SLC25A42: variants seen among roughly 807,000 people sequenced by gnomAD.
SLC25A42 encodes solute carrier family 25 member 42, also known as mitochondrial coenzyme A transporter SLC25A42.
Under a neutral mutation model 34.7 loss-of-function variants are expected in SLC25A42, and 19 were observed. The ratio of observed to expected loss-of-function variants is 0.55; its 90% confidence interval spans 0.38 to 0.80. The LOEUF (loss-of-function observed/expected upper bound fraction) is 0.80, where lower values mean the gene tolerates loss of function less well. Among genes scored for constraint, SLC25A42 ranks in the 30% least tolerant of loss-of-function variants. The pLI, the probability that SLC25A42 is intolerant of heterozygous loss-of-function variation, is 0.00. For synonymous variants in SLC25A42, 205 were observed against 191.2 expected (o/e 1.07, Z -0.59); for missense variants, 364 against 441.3 (o/e 0.82, Z 1.57).
chr19:19,105,098 C>G, intron 4 of SLC25A42, 160 bp downstream of exon 4: 1 of 856,550 alleles, frequency 1.2e-6, no homozygotes, highest in Non-Finnish European at 1.8e-6. Flanking sequence ...AGCCTGGGAA[C>G]TGACGGGACA....
At chr19:19,093,668 A>G (rs915300011) in intron 1 of SLC25A42, among the ~76,000 whole-genome samples, 2 of 151,738 alleles carry the variant, frequency 1.3e-5, no homozygotes, top group Admixed American at 6.6e-5. Context: ...CTCCGGTGGG[A>G]TGTGTCTGGT....
At chr19:19,075,420 G>A (rs183668381) in intron 1 of SLC25A42, among the ~76,000 whole-genome samples, 7 of 152,366 alleles carry the variant, frequency 4.6e-5, no homozygotes, top group African/African-American at 7.2e-5. Context: ...AAAGATACAC[G>A]TATGTTATTT....
chr19:19,084,172 C>T (rs2059694996), intron 1 of SLC25A42, among the ~76,000 whole-genome samples: 1 of 152,246 alleles, frequency 6.6e-6, no homozygotes, highest in South Asian at 2.1e-4. Context: ...TGCATCCCAC[C>T]ACCACAGTGT....
At chr19:19,067,021 CAAAAAA>C (rs11419955) in intron 1 of SLC25A42, among the ~76,000 whole-genome samples, 1 of 115,706 alleles carries the variant, frequency 8.6e-6, no homozygotes, top group Non-Finnish European at 1.7e-5. Context: ...GACCCTGTCT[CAAAAAA>C]AAAAAAAAAA....
chr19:19,070,991 CT>C lies in SLC25A42; in HGVS notation c.-35+6895del, dbSNP rs35787720. Among the ~76,000 whole-genome samples, 299 of 117,190 alleles carry C rather than the reference CT, an allele frequency of 2.6e-3. 1 individual carries two copies. Among genetic ancestry groups the C allele is most frequent in the African/African-American group, 6.3e-3 (183 of 28,852 alleles). 76.9% of individuals were successfully genotyped at this position (117,190 alleles called of 152,430 possible). ...GACCTGACTAGTGAATGCATACCGT[CT>C]TTTTTTTTTTTTTTTTTTAATACAG... On this transcript the variant is annotated intron_variant, in intron 1 of 7. Transcript: ENST00000318596.
chr19:19,079,957 T>A (rs1568510426), intron 1 of SLC25A42, among the ~76,000 whole-genome samples: 1 of 152,186 alleles, frequency 6.6e-6, no homozygotes, highest in Non-Finnish European at 1.5e-5. Flanking sequence ...GTGTAACTTG[T>A]GAAGGAACCT....
intron 1 of SLC25A42, among the ~76,000 whole-genome samples, chr19:19,064,788 C>T (rs189303184): frequency 4.5e-4 from 69 of 151,952 alleles, no homozygotes; most frequent in African/African-American, 1.5e-3. Flanking sequence ...TAATAATCCC[C>T]CCGAATCCCC....
At chr19:19,105,509 C>CA in intron 4 of SLC25A42, 52 bp from the exon 5 acceptor site, 2 of 1,581,282 alleles carry the variant, frequency 1.3e-6, no homozygotes, top group Non-Finnish European at 1.7e-6. Flanking sequence ...CAGAGGCCCG[C>CA]AGGGAGGGCA....
chr19:19,076,018 G>A (rs2059654174), intron 1 of SLC25A42, among the ~76,000 whole-genome samples: 1 of 152,152 alleles, frequency 6.6e-6, no homozygotes, highest in African/African-American at 2.4e-5. Context: ...GTCAAGGGGA[G>A]GATCAGCCCC....
At chr19:19,089,527 C>CAAA (rs1431417495) in intron 1 of SLC25A42, among the ~76,000 whole-genome samples, 11 of 140,724 alleles carry the variant, frequency 7.8e-5, no homozygotes, top group East Asian at 2.0e-4. Context: ...GACTCCATCT[C>CAAA]AAAAAAAATA....
intron 1 of SLC25A42, among the ~76,000 whole-genome samples, chr19:19,072,280 C>T (rs967219798): frequency 6.6e-6 from 1 of 152,198 alleles, no homozygotes; most frequent in Non-Finnish European, 1.5e-5. Flanking sequence ...TTAGGGAGAA[C>T]GATACTTACC....
chr19:19,084,741 A>G (rs1241752142), intron 1 of SLC25A42, among the ~76,000 whole-genome samples: 1 of 152,078 alleles, frequency 6.6e-6, no homozygotes, highest in Non-Finnish European at 1.5e-5. Context: ...ACCTGGGGGA[A>G]GTTGCCCTCC....
chr19:19,107,325 A>AAAC (rs1213284228), intron 6 of SLC25A42, among the ~76,000 whole-genome samples: 6 of 151,178 alleles, frequency 4.0e-5, no homozygotes, highest in African/African-American at 1.5e-4. Context: ...CCAAAAAAAA[A>AAAC]AAAACAAAAA....
chr19:19,105,278 G>A, intron 4 of SLC25A42: 1 of 572,482 alleles, frequency 1.7e-6, no homozygotes, highest in Non-Finnish European at 3.1e-6. Flanking sequence ...CTTGGGCAGG[G>A]CTCCGAGCTG....
intron 2 of SLC25A42, 135 bp from the exon 3 acceptor site, chr19:19,101,646 C>T: frequency 1.4e-6 from 1 of 717,438 alleles, no homozygotes; most frequent in Non-Finnish European, 2.2e-6. Context: ...CAGAACCAAG[C>T]AAGGCCAACA....
At chr19:19,065,766 CAT>C (rs1354912830) in intron 1 of SLC25A42, among the ~76,000 whole-genome samples, 7 of 152,076 alleles carry the variant, frequency 4.6e-5, no homozygotes, top group Admixed American at 1.3e-4. Context: ...CTATAATATT[CAT>C]ATGTTTATAT....
At chr19:19,077,608 C>T (rs536497631) in intron 1 of SLC25A42, among the ~76,000 whole-genome samples, 1 of 152,174 alleles carries the variant, frequency 6.6e-6, no homozygotes, top group Non-Finnish European at 1.5e-5. Flanking sequence ...CAGTATGCAG[C>T]TGGGCACAGT....
chr19:19,096,043 A>G (rs2059762954), intron 1 of SLC25A42, 48 bp from the exon 2 acceptor site: 2 of 1,247,800 alleles, frequency 1.6e-6, no homozygotes, highest in South Asian at 1.3e-5. Context: ...AACACCCACC[A>G]TCTCTCAGGA....
At chr19:19,093,395 C>T (rs894775766) in intron 1 of SLC25A42, among the ~76,000 whole-genome samples, 3 of 152,226 alleles carry the variant, frequency 2.0e-5, no homozygotes, top group East Asian at 1.9e-4. Context: ...GCGTCCCTTA[C>T]GCATAACCTC....
Sources: gnomAD v4.1 joint callset for allele counts (sites outside exome capture counted in the v4.1 genomes callset) on GRCh38, gnomAD v4.1.1 for gene constraint, MANE v1.5 for transcripts, NCBI Gene and HGNC (gene_info 2026-07-23, HGNC 2026-07-21) for gene names.